The following REV1 variants were observed in gnomAD, a reference collection of about 807,000 sequenced individuals.
The protein encoded by REV1 is translesion synthesis protein REV1.
Under a neutral mutation model 137.4 loss-of-function variants are expected in REV1, and 42 were observed. The observed-to-expected ratio is 0.31, with a 90% CI of 0.24 to 0.40. REV1 has a LOEUF of 0.40. Among genes scored for constraint, REV1 ranks in the 10% least tolerant of loss-of-function variants. REV1 has a pLI of 1.00. For synonymous variants in REV1, 524 were observed against 519.2 expected, an observed-to-expected ratio of 1.01 and a Z score of -0.12; for missense variants, 1,282 against 1,490.1, an observed-to-expected ratio of 0.86 and a Z score of 2.30.
chr2:99,402,221 T>C (rs1187376710), intron 22 of REV1, 23 bp downstream of exon 22: 14 of 1,019,834 alleles, frequency 1.4e-5, no homozygotes, highest in Non-Finnish European at 1.9e-5. Context: ...TTTTCCCATT[T>C]GATAAAAGTG....
At chr2:99,444,528 T>C (rs1681944236) in intron 4 of REV1, among the ~76,000 whole-genome samples, 2 of 152,204 alleles carry the variant, frequency 1.3e-5, no homozygotes, top group Admixed American at 6.5e-5. Flanking sequence ...ACAGAATTCT[T>C]AGGCTTACAT....
Position 99,404,072 on chromosome 2 carries a change from A to T in REV1, c.3046-257T>A, listed in dbSNP as rs570400371. Among the ~76,000 whole-genome samples the T allele has an allele frequency of 9.8e-5, 15 of 152,308 alleles. No homozygotes were observed. In the East Asian group the frequency reaches 2.9e-3, roughly 29 times the overall value. ...CAACAGCAGAACCTGGGCAAAATGC[A>T]CTAGTAGAAAATGGGAAGCAAAACA... On this transcript the variant is annotated intron_variant, in intron 18 of 22. Transcript: ENST00000258428.
At chr2:99,410,895 A>G in intron 13 of REV1, 28 bp from the exon 14 acceptor site, 1 of 1,556,224 alleles carries the variant, frequency 6.4e-7, no homozygotes, top group Non-Finnish European at 8.6e-7. Flanking sequence ...TGGAGAAACT[A>G]CCATTCCACT....
chr2:99,420,936 A>G (rs1678576509), intron 11 of REV1, among the ~76,000 whole-genome samples: 1 of 152,208 alleles, frequency 6.6e-6, no homozygotes, highest in Admixed American at 6.5e-5. Context: ...CTTAAGTATG[A>G]AAGAGTTCCA....
intron 12 of REV1, among the ~76,000 whole-genome samples, chr2:99,417,137 T>A (rs1051860477): frequency 6.6e-6 from 1 of 152,044 alleles, no homozygotes; most frequent in African/African-American, 2.4e-5. Flanking sequence ...TGTGACTGTA[T>A]TTGTTTTTGT....
intron 3 of REV1, among the ~76,000 whole-genome samples, chr2:99,452,932 AG>A (rs1256080900): frequency 6.6e-6 from 1 of 152,264 alleles, no homozygotes. Context: ...CTTGGATTTC[AG>A]GCAAGTTATT....
At chr2:99,415,904 A>G (rs1251124652) in intron 12 of REV1, among the ~76,000 whole-genome samples, 2 of 152,280 alleles carry the variant, frequency 1.3e-5, no homozygotes, top group African/African-American at 4.8e-5. Context: ...TTCAAACTGT[A>G]ATAGTCGTTG....
chr2:99,408,092 T>C lies in REV1; in HGVS notation c.2385A>G (p.Ile795Met). The C allele has an allele frequency of 1.9e-6, 3 of 1,610,694 alleles. No individual in the cohort carries two copies. Among genetic ancestry groups the C allele is most frequent in the Non-Finnish European group, 1.7e-6 (2 of 1,178,602 alleles). ...ACATGTTTAGCATCGCCTTTCCAAT[T>C]ATTTTTGCATTATCTGTTGCCTGGT... Reference protein sequence around the residue: ...TLDQATDNAKIIGKAMLNMFH... With the variant: ...TLDQATDNAKMIGKAMLNMFH... The change falls in exon 15 of 23, where the codon ATA (isoleucine) becomes ATG (methionine). Residue 795 changes from isoleucine (I) to methionine (M), a missense_variant. Physicochemically the swap from Ile to Met is conservative, Grantham distance 10. Coordinates refer to ENST00000258428, the MANE Select transcript of REV1 (RefSeq NM_016316.4).
intron 12 of REV1, among the ~76,000 whole-genome samples, chr2:99,416,353 C>G (rs1677855742): frequency 6.6e-6 from 1 of 152,224 alleles, no homozygotes; most frequent in South Asian, 2.1e-4. Flanking sequence ...CTATATGAAA[C>G]CCCTTTTTAA....
intron 17 of REV1, among the ~76,000 whole-genome samples, chr2:99,404,984 ATGAATAGCCT>A (rs1676076017): frequency 6.6e-6 from 1 of 152,180 alleles, no homozygotes; most frequent in South Asian, 2.1e-4. Flanking sequence ...GCCAACAGAT[ATGAATAGCCT>A]TGGTGAAGCT....
chr2:99,470,741 G>A (rs1245396829), intron 1 of REV1, among the ~76,000 whole-genome samples: 1 of 152,196 alleles, frequency 6.6e-6, no homozygotes, highest in African/African-American at 2.4e-5. Flanking sequence ...CAGAATGTGA[G>A]GTCCTGTTCC....
chr2:99,418,398 T>C (rs1678183577), intron 12 of REV1, among the ~76,000 whole-genome samples: 1 of 152,196 alleles, frequency 6.6e-6, no homozygotes, highest in Non-Finnish European at 1.5e-5. Flanking sequence ...TTTATACTTT[T>C]AAAAGTACTT....
rs142571494 is a variant in REV1 at position 99,443,105 on chromosome 2, T to C, written c.351-636A>G. Among the ~76,000 whole-genome samples, 375 of 152,334 alleles carry C rather than the reference T, an allele frequency of 2.5e-3. 4 individuals carry two copies. The highest frequency in any genetic ancestry group is 8.6e-3 in the African/African-American group (359 of 41,584). ...TACTTCAGAACTAAAACTAATTTGA[T>C]TGCAGTATCTAAAACTGACATTTTC... is the stretch of plus-strand genomic sequence containing the variant. On this transcript the variant is annotated intron_variant, in intron 4 of 22. Transcript: ENST00000258428.
At chr2:99,428,617 C>A (rs915935589) in intron 9 of REV1, among the ~76,000 whole-genome samples, 3 of 152,056 alleles carry the variant, frequency 2.0e-5, no homozygotes, top group Non-Finnish European at 4.4e-5. Flanking sequence ...TTAAAAAAAA[C>A]TATTATGATT....
At chr2:99,417,443 C>T (rs1678056569) in intron 12 of REV1, among the ~76,000 whole-genome samples, 1 of 152,116 alleles carries the variant, frequency 6.6e-6, no homozygotes, top group Non-Finnish European at 1.5e-5. Context: ...CATGCCCGGC[C>T]ACAGTGTGAC....
At chr2:99,406,617 G>T (rs1164932893) in intron 15 of REV1, 127 bp from the exon 16 acceptor site, 3 of 729,718 alleles carry the variant, frequency 4.1e-6, no homozygotes, top group African/African-American at 3.6e-5. Flanking sequence ...AAAGGTAAAT[G>T]AAAGTATTCA....
intron 8 of REV1, among the ~76,000 whole-genome samples, chr2:99,430,548 C>T (rs1312154956): frequency 6.6e-6 from 1 of 152,166 alleles, no homozygotes; most frequent in African/African-American, 2.4e-5. Context: ...TCCCCCGCTA[C>T]AGGTAATTGT....
Position 99,406,017 on chromosome 2 carries a change from G to C in REV1, c.2704C>G (p.Pro902Ala), listed in dbSNP as rs28382960. Residue 902 changes from proline to alanine, a missense_variant, in exon 17 of 23, where the codon CCT (proline) becomes GCT (alanine). Coordinates refer to ENST00000258428, the MANE Select transcript of REV1 (RefSeq NM_016316.4). Reference protein sequence around the residue: ...PPFPAHLPTSPDTNKAESSGK... With the variant: ...PPFPAHLPTSADTNKAESSGK... Reference sequence around the variant, plus strand: ...GAAGACTCAGCCTTGTTAGTATCAGGACTGGTCGGCAGATGTGCAGGAAAA... The same window carrying C: ...GAAGACTCAGCCTTGTTAGTATCAGCACTGGTCGGCAGATGTGCAGGAAAA... The C allele has an allele frequency of 2.5e-6, 4 of 1,614,020 alleles. No individual in the cohort carries two copies. The highest frequency in any genetic ancestry group is 2.2e-5 in the East Asian group (1 of 44,876).
chr2:99,401,741 C>T (rs1305474442), intron 22 of REV1, among the ~76,000 whole-genome samples: 2 of 151,870 alleles, frequency 1.3e-5, no homozygotes, highest in Non-Finnish European at 2.9e-5. Flanking sequence ...AGTGAGACTC[C>T]ATCTCAAAAA....
Sources: allele counts gnomAD v4.1 joint callset (sites outside exome capture counted in the v4.1 genomes callset), GRCh38; gene constraint gnomAD v4.1.1; transcripts MANE v1.5; gene names NCBI Gene and HGNC (gene_info 2026-07-23, HGNC 2026-07-21).